S100Z: variants seen among roughly 807,000 people sequenced by gnomAD.
S100Z encodes the protein protein S100-Z.
Under a neutral mutation model 8.5 loss-of-function variants are expected in S100Z, and 11 were observed. The observed-to-expected ratio is 1.30, with a 90% confidence interval of 0.82 to 2.15. The LOEUF (loss-of-function observed/expected upper bound fraction) is 2.15. Among genes scored for constraint, S100Z ranks in the 30% most tolerant of loss-of-function variants. The pLI, the probability that S100Z is intolerant of heterozygous loss-of-function variation, is 0.00. For synonymous variants in S100Z, 34 were observed against 43.8 expected (o/e 0.78, Z 0.89); for missense variants, 126 against 117.9 (o/e 1.07, Z -0.32).
chr5:76,940,457 G>C, the S100Z span, among the ~76,000 whole-genome samples: 1 of 151,724 alleles, frequency 6.6e-6, no homozygotes, highest in African/African-American at 2.4e-5. Flanking sequence ...TTGTCACCCA[G>C]GCTGGAGTGC....
At chr5:76,850,811 GT>G (rs1248562163) in intron 1 of S100Z, among the ~76,000 whole-genome samples, 1 of 151,940 alleles carries the variant, frequency 6.6e-6, no homozygotes, top group Admixed American at 6.6e-5. Context: ...GAGAAATAAA[GT>G]TTTTTTTGTT....
intron 4 of S100Z, among the ~76,000 whole-genome samples, chr5:76,895,560 T>C (rs1316727748): frequency 1.3e-5 from 2 of 151,942 alleles, no homozygotes; most frequent in Non-Finnish European, 2.9e-5. Flanking sequence ...TTATTTAAAA[T>C]TTTTTGTGGG....
chr5:76,935,182 A>G, the S100Z span, among the ~76,000 whole-genome samples: 1 of 152,232 alleles, frequency 6.6e-6, no homozygotes, highest in Non-Finnish European at 1.5e-5. Context: ...GCCAAAATAC[A>G]TGTCATATTT....
intron 4 of S100Z, among the ~76,000 whole-genome samples, chr5:76,899,251 G>A (rs1015840228): frequency 6.6e-6 from 1 of 152,048 alleles, no homozygotes; most frequent in Admixed American, 6.6e-5. Flanking sequence ...GGTGAATTGT[G>A]TTTCTTGTAG....
chr5:76,914,883 C>T (rs190563994), intron 4 of S100Z, among the ~76,000 whole-genome samples: 2 of 152,298 alleles, frequency 1.3e-5, no homozygotes, highest in East Asian at 3.9e-4. Context: ...GGAAGAAACT[C>T]CGGATACATC....
rs1744643436 is a variant in S100Z at position 76,911,169 on chromosome 5, A to G, written c.*3-9548A>G. ...ACCACTTTTCCTTATCAAAGGCAATATCCCTTAAGGCCTGAAGCTCATAAA... is the reference window on the plus strand; with the variant it reads ...ACCACTTTTCCTTATCAAAGGCAATGTCCCTTAAGGCCTGAAGCTCATAAA... On this transcript the variant is annotated intron_variant, in intron 4 of 4. Coordinates refer to ENST00000317593, the MANE Select transcript of S100Z (RefSeq NM_130772.4). Among the ~76,000 whole-genome samples, 3 of 152,230 alleles carry G rather than the reference A, an allele frequency of 2.0e-5. No individual in the cohort carries two copies. In the South Asian group the frequency reaches 6.2e-4, roughly 31 times the overall value.
Position 76,910,561 on chromosome 5 carries a change from G to A in S100Z, c.*3-10156G>A, listed in dbSNP as rs562255701. On this transcript the variant is annotated intron_variant, in intron 4 of 4. Coordinates refer to ENST00000317593, the MANE Select transcript of S100Z (RefSeq NM_130772.4). The stretch of plus-strand genomic sequence containing the variant: ...GACATTTTAAAAAAGATTGTCCAAC[G>A]AGAAACAAGCTGCCCCCTCGTTCAT... Among the ~76,000 whole-genome samples the A allele has an allele frequency of 8.5e-5, 13 of 152,266 alleles. 1 individual carries two copies. Among genetic ancestry groups the A allele is most frequent in the South Asian group, 6.2e-4 (3 of 4,806 alleles).
chr5:76,886,139 C>T (rs935851096), intron 4 of S100Z, among the ~76,000 whole-genome samples: 8 of 152,054 alleles, frequency 5.3e-5, no homozygotes, highest in Admixed American at 2.0e-4. Flanking sequence ...TGGTGCTTGC[C>T]GCTAAGGGTG....
At chr5:76,921,832 A>G (rs1745044609), downstream of S100Z, among the ~76,000 whole-genome samples, 1 of 152,148 alleles carries the variant, frequency 6.6e-6, no homozygotes, top group Admixed American at 6.5e-5. Flanking sequence ...TACTAAAAAT[A>G]CAAAAAATTA....
At chr5:76,889,234 C>T (rs543272983) in intron 4 of S100Z, among the ~76,000 whole-genome samples, 1 of 152,264 alleles carries the variant, frequency 6.6e-6, no homozygotes, top group Non-Finnish European at 1.5e-5. Flanking sequence ...CCCTTCTTGC[C>T]TATTAAACTC....
chr5:76,949,216 G>A, the S100Z span, among the ~76,000 whole-genome samples: 1 of 151,988 alleles, frequency 6.6e-6, no homozygotes, highest in Non-Finnish European at 1.5e-5. Context: ...GTGAAACCCC[G>A]TCTCTACTAA....
intron 4 of S100Z, among the ~76,000 whole-genome samples, chr5:76,904,115 TTGAG>T (rs1297166186): frequency 6.6e-6 from 1 of 152,190 alleles, no homozygotes; most frequent in Admixed American, 6.6e-5. Flanking sequence ...GTTTCTATTC[TTGAG>T]TTTTAAGAGT....
chr5:76,882,967 T>C (rs1051731242), intron 4 of S100Z, among the ~76,000 whole-genome samples: 1 of 151,948 alleles, frequency 6.6e-6, no homozygotes, highest in Non-Finnish European at 1.5e-5. Context: ...GCAAGACAAT[T>C]TGGTTGATAA....
At chr5:76,890,809 A>G (rs1188910638) in intron 4 of S100Z, among the ~76,000 whole-genome samples, 1 of 152,132 alleles carries the variant, frequency 6.6e-6, no homozygotes, top group East Asian at 1.9e-4. Flanking sequence ...GAGAAATTTG[A>G]AATTTATCCT....
chr5:76,928,643 A>T, the S100Z span, among the ~76,000 whole-genome samples: 1 of 152,254 alleles, frequency 6.6e-6, no homozygotes, highest in Non-Finnish European at 1.5e-5. Flanking sequence ...AGTAAAAAAC[A>T]GAAGGTCTTT....
chr5:76,892,753 T>C (rs2150662538), intron 4 of S100Z, among the ~76,000 whole-genome samples: 1 of 152,302 alleles, frequency 6.6e-6, no homozygotes, highest in South Asian at 2.1e-4. Flanking sequence ...TTTTATGTGC[T>C]AAAAGGGGGT....
At chr5:76,906,393 T>C (rs563898039) in intron 4 of S100Z, among the ~76,000 whole-genome samples, 14 of 152,206 alleles carry the variant, frequency 9.2e-5, no homozygotes, top group Non-Finnish European at 1.6e-4. Context: ...TCCTGTCTCA[T>C]TGAAACTTTG....
At chr5:76,944,107 G>A in the S100Z span, among the ~76,000 whole-genome samples, 13 of 152,054 alleles carry the variant, frequency 8.5e-5, no homozygotes, top group East Asian at 2.5e-3. Context: ...CCCACCTTGT[G>A]CTGCTACCAC....
At chr5:76,923,605 C>T (rs1027721792), downstream of S100Z, among the ~76,000 whole-genome samples, 3 of 152,174 alleles carry the variant, frequency 2.0e-5, no homozygotes, top group Non-Finnish European at 4.4e-5. Flanking sequence ...CCTCTTCCAC[C>T]TCCAACTACA....
Sources: allele counts gnomAD v4.1 joint callset (sites outside exome capture counted in the v4.1 genomes callset), GRCh38; gene constraint gnomAD v4.1.1; transcripts MANE v1.5; gene names NCBI Gene and HGNC (gene_info 2026-07-23, HGNC 2026-07-21).